DGKD: variants seen among roughly 807,000 people sequenced by gnomAD.
DGKD encodes the protein diacylglycerol kinase delta.
A neutral mutation model predicts 154.4 loss-of-function variants in DGKD; 68 were observed. The observed-to-expected ratio is 0.44, with a 90% CI of 0.36 to 0.54. The LOEUF (loss-of-function observed/expected upper bound fraction) is 0.54, where lower values mean the gene tolerates loss of function less well. Ranked by LOEUF, DGKD falls within the 20% of genes least tolerant of loss-of-function variation. The pLI, the probability that DGKD is intolerant of heterozygous loss-of-function variation, is 0.00. For missense variants in DGKD, 1,343 were observed against 1,593.6 expected (o/e 0.84, Z 2.68); for synonymous variants, 693 against 638.0 (o/e 1.09, Z -1.30).
chr2:233,390,479 T>A lies in DGKD; in HGVS notation c.344T>A (p.Phe115Tyr). 1 of 1,613,624 alleles carries A rather than the reference T, an allele frequency of 6.2e-7. No homozygotes were observed. The highest frequency in any genetic ancestry group is 8.5e-7 in the Non-Finnish European group (1 of 1,179,588). Reference sequence around the variant, plus strand: ...AGTACCAAAAACGTCAACAACAGTTTTACGGTAAGATTCCTCAGTCATGCC... The same window carrying A: ...AGTACCAAAAACGTCAACAACAGTTATACGGTAAGATTCCTCAGTCATGCC... ...ESSTKNVNNS[F>Y]TVITPCRKLI... The change falls in exon 3 of 30, where the codon TTT becomes TAT. Residue 115 changes from phenylalanine to tyrosine, a missense_variant. Physicochemically the swap from Phe to Tyr is conservative, Grantham distance 22 (BLOSUM62 3). Coordinates refer to ENST00000264057, the MANE Select transcript of DGKD (RefSeq NM_152879.3).
intron 29 of DGKD, 92 bp from the exon 30 acceptor site, chr2:233,469,279 G>A (rs1005090033): frequency 5.4e-6 from 6 of 1,120,184 alleles, no homozygotes; most frequent in African/African-American, 1.5e-5. Context: ...TTCACAAGCC[G>A]AATGGGAAGG....
chr2:233,397,442 C>T (rs1184148298), intron 3 of DGKD, among the ~76,000 whole-genome samples: 2 of 110,126 alleles, frequency 1.8e-5, no homozygotes, highest in Admixed American at 1.1e-4. Flanking sequence ...GGGTGGCTGG[C>T]AGAGGCCAGA....
intron 3 of DGKD, among the ~76,000 whole-genome samples, chr2:233,430,288 G>A (rs2125576036): frequency 1.3e-5 from 2 of 152,252 alleles, no homozygotes; most frequent in East Asian, 1.9e-4. Context: ...GATAATTCAC[G>A]GCAACACTAT....
chr2:233,447,135 G>T (rs1386622092), intron 12 of DGKD, among the ~76,000 whole-genome samples: 1 of 139,082 alleles, frequency 7.2e-6, no homozygotes, highest in Admixed American at 7.2e-5. Context: ...TCCCTCCCCC[G>T]CCGCGGTGCC....
At chr2:233,383,040 C>A (rs1702981405) in intron 1 of DGKD, among the ~76,000 whole-genome samples, 2 of 149,294 alleles carry the variant, frequency 1.3e-5, no homozygotes, top group South Asian at 4.2e-4. Context: ...TTCTTTCTTT[C>A]TTTCTTTTTT....
chr2:233,437,551 C>T (rs2062741437), intron 8 of DGKD, 72 bp downstream of exon 8: 1 of 1,442,228 alleles, frequency 6.9e-7, no homozygotes, highest in Non-Finnish European at 9.6e-7. Context: ...TTCTCTTCTC[C>T]AGCTCTGGAG....
rs532472639 is a variant in DGKD, at chr2:233,437,203, C to T, written c.820-174C>T. Among the ~76,000 whole-genome samples the T allele has an allele frequency of 6.6e-5, 10 of 152,292 alleles. No individual in the cohort carries two copies. In the East Asian group the frequency reaches 1.9e-3, roughly 30 times the overall value. The stretch of plus-strand genomic sequence containing the variant: ...GCCTTCTCAAGTGCAAAGCCAGGGC[C>T]CAGGGCCCCCGATGATAGCAGGCCG... On this transcript the variant is annotated intron_variant, in intron 7 of 29. Coordinates refer to ENST00000264057, the MANE Select transcript of DGKD (RefSeq NM_152879.3).
At chr2:233,358,713 T>G (rs535163328) in intron 1 of DGKD, among the ~76,000 whole-genome samples, 13 of 152,228 alleles carry the variant, frequency 8.5e-5, no homozygotes, top group African/African-American at 3.1e-4. Flanking sequence ...ATCCATGTCA[T>G]GGCATGTATC....
At chr2:233,422,696 C>G (rs2062159979) in intron 3 of DGKD, among the ~76,000 whole-genome samples, 1 of 152,174 alleles carries the variant, frequency 6.6e-6, no homozygotes, top group Admixed American at 6.5e-5. Flanking sequence ...TGGAGTTACT[C>G]CTTGGTTTTC....
chr2:233,358,196 C>T (rs13035837), intron 1 of DGKD, among the ~76,000 whole-genome samples: 16,739 of 152,220 alleles, frequency 0.11, 1,202 homozygotes, highest in South Asian at 0.33. Flanking sequence ...GCTAACACTC[C>T]GACCAGCACA....
rs2063575095 is a variant in DGKD at position 233,460,014 on chromosome 2, CAAT to C, written c.2829+124_2829+126del. On this transcript the variant is annotated intron_variant, in intron 23 of 29. Coordinates refer to ENST00000264057, the MANE Select transcript of DGKD (RefSeq NM_152879.3). The stretch of plus-strand genomic sequence containing the variant: ...TAGGATTTTTTTTTTTTTTAAGACA[CAAT>C]GATTAAGCTAATAGGGCAGTAATTT... The C allele has an allele frequency of 1.2e-5, 18 of 1,443,152 alleles. No homozygotes were observed. The South Asian group carries it at 2.4e-4, about 19-fold the overall frequency. The allele number at this position is 1,443,152 out of a possible 1,614,324, so 89.4% of individuals were successfully genotyped here. A position where few individuals can be genotyped will look rare whatever the true frequency, so the allele number is the denominator to read the frequency against.
chr2:233,396,031 A>G (rs1704002576), intron 3 of DGKD, among the ~76,000 whole-genome samples: 1 of 152,256 alleles, frequency 6.6e-6, no homozygotes, highest in South Asian at 2.1e-4. Context: ...GAAGAAAAAT[A>G]ATGCAAAATG....
intron 4 of DGKD, 132 bp downstream of exon 4, chr2:233,434,616 T>G (rs2062630263): frequency 7.0e-7 from 1 of 1,432,724 alleles, no homozygotes; most frequent in Non-Finnish European, 9.7e-7. Context: ...TTTATACAAT[T>G]AAAGCTTATT....
rs1006637147 is a variant in DGKD at position 233,470,381 on chromosome 2, G to T, written c.*921G>T. On this transcript the variant is annotated 3_prime_UTR_variant, in exon 30 of 30. Transcript: ENST00000264057. The stretch of plus-strand genomic sequence containing the variant: ...GGTTCCCAGGGAGCGTGGCCCTGGT[G>T]GGCCAGGGGTGGTTTGACCTCTTCA... 2 of 152,428 alleles carry T rather than the reference G, an allele frequency of 1.3e-5. No individual in the cohort carries two copies. The highest frequency in any genetic ancestry group is 2.9e-5 in the Non-Finnish European group (2 of 68,108). The allele number at this position is 152,428 out of a possible 1,614,324, so 9.4% of individuals were successfully genotyped here.
rs371162662 is a variant in DGKD at position 233,448,336 on chromosome 2, G to T, written c.1575G>T (p.Thr525=). ...VARVGKAYEK[T]TESSEESEVM... ...GGGTGGGGAAGGCCTATGAGAAGAC[G>T]ACCGAGAGCTCGGAGGAGTCAGAGG... is the stretch of plus-strand genomic sequence containing the variant. Residue 525 remains threonine (T), a synonymous_variant, in exon 14 of 30, where the codon ACG becomes ACT. Coordinates refer to ENST00000264057, the MANE Select transcript of DGKD (RefSeq NM_152879.3). 6.8e-6 allele frequency: 11 copies of T among 1,613,940 alleles called. No homozygotes were observed. The South Asian group carries it at 7.7e-5, about 11-fold the overall frequency.
chr2:233,458,298 A>G lies in DGKD; in HGVS notation c.2595A>G (p.Pro865=), dbSNP rs1321453670. 6.2e-7 allele frequency: 1 copy of G among 1,612,562 alleles called. No individual in the cohort carries two copies. Among genetic ancestry groups the G allele is most frequent in the East Asian group, 2.2e-5 (1 of 44,872 alleles). Residue 865 remains proline (P), a synonymous_variant, in exon 22 of 30, where the codon CCA becomes CCG. Transcript: ENST00000264057. This position sits in a 1 kb window ranked among gnomAD's most constrained non-coding sequence, Gnocchi z 6.6. The part of the protein sequence containing the change: ...GTKEDDTFAA[P]SFDDKILEVV... ...GTCCCTTGCAGACTTTCGCAGCTCC[A>G]TCATTCGATGACAAGATTCTGGAGG...
Position 233,441,893 on chromosome 2 carries a change from G to T in DGKD, c.1092G>T (p.Arg364=). ...CTTTCTCTTTTCTCTGCAGCTTACG[G>T]TTATTCCAGAAGTTTGACACATTCC... ...LMNGGPHLGL[R]LFQKFDTFRI... Residue 364 remains arginine, a synonymous_variant, in exon 10 of 30, where the codon CGG becomes CGT. Transcript: ENST00000264057. This position sits in a 1 kb window ranked among gnomAD's most constrained non-coding sequence, Gnocchi z 5.6. 6.2e-7 allele frequency: 1 copy of T among 1,613,642 alleles called. No homozygotes were observed. Among genetic ancestry groups the T allele is most frequent in the Non-Finnish European group, 8.5e-7 (1 of 1,179,536 alleles).
intron 2 of DGKD, among the ~76,000 whole-genome samples, chr2:233,389,519 T>C (rs1703432633): frequency 1.3e-5 from 2 of 152,030 alleles, no homozygotes; most frequent in Admixed American, 1.3e-4. Flanking sequence ...GCATTAAAAT[T>C]TGAAATGGAA....
rs752567725 is a variant in DGKD, at chr2:233,469,505, G to T, written c.*45G>T. On this transcript the variant is annotated 3_prime_UTR_variant, in exon 30 of 30. Transcript: ENST00000264057. ...TGGCCTCCACATCCCCGCCGCCGAG[G>T]CCTAGCCTCCGCCCTCTCAGCCTGT... 6 of 1,525,898 alleles carry T rather than the reference G, an allele frequency of 3.9e-6. No individual in the cohort carries two copies. Among genetic ancestry groups the T allele is most frequent in the Non-Finnish European group, 5.3e-6 (6 of 1,123,958 alleles). 94.5% of individuals were successfully genotyped at this position (1,525,898 alleles called of 1,614,324 possible).
Sources: gnomAD v4.1 joint callset for allele counts (sites outside exome capture counted in the v4.1 genomes callset) on GRCh38, gnomAD v4.1.1 for gene constraint, Gnocchi (gnomAD v3.1) non-coding constraint, MANE v1.5 for transcripts, NCBI Gene and HGNC (gene_info 2026-07-23, HGNC 2026-07-21) for gene names.